CTTNBP2: variants seen among roughly 807,000 people sequenced by gnomAD.
CTTNBP2 encodes cortactin binding protein 2, also known as cortactin-binding protein 2.
CTTNBP2 carries 108 observed loss-of-function variants against 156.9 expected under a neutral mutation model. The observed-to-expected ratio is 0.69, with a 90% CI of 0.59 to 0.81. The LOEUF (loss-of-function observed/expected upper bound fraction) is 0.81. Among genes scored for constraint, CTTNBP2 ranks in the 30% least tolerant of loss-of-function variants. CTTNBP2 has a pLI of 0.00. For missense variants in CTTNBP2, 1,924 were observed against 2,035.4 expected (o/e 0.95, Z 1.05); for synonymous variants, 767 against 751.8 (o/e 1.02, Z -0.33).
chr7:117,752,734 A>G (rs1796676589), intron 12 of CTTNBP2, among the ~76,000 whole-genome samples: 1 of 152,224 alleles, frequency 6.6e-6, no homozygotes, highest in South Asian at 2.1e-4. Flanking sequence ...GATTACATGC[A>G]TGAGTAGGCA....
At chr7:117,766,919 A>G (rs1797513746) in intron 9 of CTTNBP2, 140 bp downstream of exon 9, 1 of 621,228 alleles carries the variant, frequency 1.6e-6, no homozygotes, top group Admixed American at 2.5e-5. Flanking sequence ...TATCACACTT[A>G]CAGTCAGTAT....
At chr7:117,715,491 A>AAAG (rs1167827730) in intron 22 of CTTNBP2, among the ~76,000 whole-genome samples, 4 of 151,490 alleles carry the variant, frequency 2.6e-5, no homozygotes, top group Non-Finnish European at 4.4e-5. Context: ...AAAAAAAAAA[A>AAAG]AAGAAGCCTC....
At chr7:117,741,085 A>T (rs567869113) in intron 14 of CTTNBP2, among the ~76,000 whole-genome samples, 4 of 152,216 alleles carry the variant, frequency 2.6e-5, no homozygotes, top group African/African-American at 9.6e-5. Flanking sequence ...ATGGTTTTTT[A>T]TCCTCCAGTG....
rs1394935268 is a variant in CTTNBP2 at position 117,784,403 on chromosome 7, A to AG, written c.2119dup (p.Leu707ProfsTer25). The AG allele has an allele frequency of 1.3e-5, 21 of 1,564,246 alleles. No homozygotes were observed. The highest frequency in any genetic ancestry group is 2.8e-5 in the African/African-American group (2 of 72,598). On this transcript the variant is annotated frameshift_variant, in exon 5 of 23. Transcript: ENST00000160373. LOFTEE classifies it high-confidence loss of function. ...CTGAAGAAGGGTGGGCCTGCCAGCC[A>AG]GGGGGGCAGGACCACCACTCATTAG...
intron 7 of CTTNBP2, 74 bp from the exon 8 acceptor site, chr7:117,777,839 C>T: frequency 7.0e-7 from 1 of 1,426,768 alleles, no homozygotes; most frequent in Non-Finnish European, 9.6e-7. Flanking sequence ...TGAAAGTTCA[C>T]TTCTAAATGT....
intron 2 of CTTNBP2, among the ~76,000 whole-genome samples, chr7:117,840,072 C>G (rs1802182470): frequency 6.6e-6 from 1 of 152,128 alleles, no homozygotes; most frequent in African/African-American, 2.4e-5. Flanking sequence ...TACATGCACA[C>G]CTGTTCATAC....
intron 3 of CTTNBP2, among the ~76,000 whole-genome samples, 161 bp downstream of exon 3, chr7:117,810,604 T>C (rs557093429): frequency 3.3e-4 from 51 of 152,252 alleles, no homozygotes; most frequent in Non-Finnish European, 6.3e-4. Flanking sequence ...CTTTAAACAC[T>C]AGGTTACATT....
At chr7:117,746,155 A>G in intron 12 of CTTNBP2, 56 bp from the exon 13 acceptor site, 1 of 1,202,916 alleles carries the variant, frequency 8.3e-7, no homozygotes. Flanking sequence ...ATGAGAGAAA[A>G]AAGTGGTACA....
chr7:117,833,864 C>T (rs1163990711), intron 2 of CTTNBP2, among the ~76,000 whole-genome samples: 3 of 152,164 alleles, frequency 2.0e-5, no homozygotes, highest in South Asian at 4.1e-4. Flanking sequence ...AATGATCAGC[C>T]TTGCTGCTTT....
chr7:117,730,968 T>A (rs939172141), intron 16 of CTTNBP2, among the ~76,000 whole-genome samples: 1 of 152,210 alleles, frequency 6.6e-6, no homozygotes, highest in Admixed American at 6.5e-5. Flanking sequence ...TATATTAGAA[T>A]AGCTTCATGT....
chr7:117,842,957 G>A (rs1162015110), intron 2 of CTTNBP2, among the ~76,000 whole-genome samples: 1 of 152,168 alleles, frequency 6.6e-6, no homozygotes, highest in Non-Finnish European at 1.5e-5. Context: ...CAATAAACAT[G>A]TAAAAAGATA....
At chr7:117,809,132 T>A (rs896703482) in intron 3 of CTTNBP2, among the ~76,000 whole-genome samples, 1 of 151,772 alleles carries the variant, frequency 6.6e-6, no homozygotes, top group African/African-American at 2.4e-5. Flanking sequence ...CCTTTCACTA[T>A]CAGCCAGGTT....
intron 8 of CTTNBP2, 36 bp downstream of exon 8, chr7:117,777,475 C>A: frequency 6.3e-7 from 1 of 1,592,488 alleles, no homozygotes; most frequent in Non-Finnish European, 8.6e-7. Flanking sequence ...CATCAAATTA[C>A]AGCTGCATGA....
At chr7:117,766,144 G>A (rs1222653943) in intron 9 of CTTNBP2, among the ~76,000 whole-genome samples, 1 of 152,064 alleles carries the variant, frequency 6.6e-6, no homozygotes, top group African/African-American at 2.4e-5. Flanking sequence ...TCTTAGGTTA[G>A]CATCAGCTTG....
intron 3 of CTTNBP2, among the ~76,000 whole-genome samples, chr7:117,794,715 G>T (rs1322570774): frequency 6.6e-6 from 1 of 152,078 alleles, no homozygotes; most frequent in African/African-American, 2.4e-5. Context: ...AATAGCATTG[G>T]GATGTGTCCC....
chr7:117,736,180 C>T (rs116958888), intron 14 of CTTNBP2, among the ~76,000 whole-genome samples: 2 of 152,214 alleles, frequency 1.3e-5, no homozygotes, highest in Non-Finnish European at 2.9e-5. Context: ...CAGGGCCAGG[C>T]GCAGTGGCTC....
At chr7:117,775,227 G>T (rs35280089) in intron 8 of CTTNBP2, among the ~76,000 whole-genome samples, 26,901 of 151,948 alleles carry the variant, frequency 0.18, 3,316 homozygotes, top group African/African-American at 0.35. Flanking sequence ...GTGAATATTG[G>T]CAGTCATGCC....
intron 2 of CTTNBP2, among the ~76,000 whole-genome samples, chr7:117,833,884 ATTCTCAATTAAGAAT>A (rs1801769877): frequency 1.3e-5 from 2 of 152,170 alleles, no homozygotes; most frequent in South Asian, 4.1e-4. Context: ...TGAAATAGAG[ATTCTCAATTAAGAAT>A]TTCTCAGCTG....
chr7:117,850,246 T>G (rs2117186717), intron 2 of CTTNBP2, among the ~76,000 whole-genome samples: 1 of 152,326 alleles, frequency 6.6e-6, no homozygotes, highest in Non-Finnish European at 1.5e-5. Flanking sequence ...GCCAAGACTC[T>G]AAGTGCATGC....
Sources: allele counts gnomAD v4.1 joint callset (sites outside exome capture counted in the v4.1 genomes callset), GRCh38; gene constraint gnomAD v4.1.1; transcripts MANE v1.5; gene names NCBI Gene and HGNC (gene_info 2026-07-23, HGNC 2026-07-21).